Variants in SETBP1 observed in about 807,000 individuals in gnomAD.
The protein encoded by SETBP1 is SET-binding protein.
In SETBP1, 9 loss-of-function variants were observed where a neutral mutation model predicts 101.0. That is an observed-to-expected ratio of 0.09 (90% confidence interval 0.05 to 0.16). The LOEUF (loss-of-function observed/expected upper bound fraction) is 0.16, where lower values mean the gene tolerates loss of function less well. Among genes scored for constraint, SETBP1 ranks in the 10% least tolerant of loss-of-function variants. The probability of loss-of-function intolerance (pLI) is 1.00; values close to 1 mark genes in which losing one functional copy is unlikely to be tolerated. For missense variants in SETBP1, 1,858 were observed against 2,033.8 expected, an observed-to-expected ratio of 0.91 and a Z score of 1.66; for synonymous variants, 818 against 788.5, an observed-to-expected ratio of 1.04 and a Z score of -0.63.
At chr18:44,769,738 T>G (rs772931699) in intron 2 of SETBP1, among the ~76,000 whole-genome samples, 1 of 152,216 alleles carries the variant, frequency 6.6e-6, no homozygotes, top group African/African-American at 2.4e-5. Context: ...TTATGCTATA[T>G]AGAAGTTCAT....
chr18:45,010,162 G>A (rs2072809521), intron 4 of SETBP1, among the ~76,000 whole-genome samples: 1 of 152,186 alleles, frequency 6.6e-6, no homozygotes, highest in Non-Finnish European at 1.5e-5. Context: ...CACGAAGCTT[G>A]TTTTGACATG....
rs189323487 is a variant in SETBP1 at position 44,932,473 on chromosome 18, T to G, written c.541-17408T>G. 1.4e-4 allele frequency among the ~76,000 whole-genome samples: 21 copies of G among 152,334 alleles called. No homozygotes were observed. The East Asian group carries it at 4.1e-3, about 29-fold the overall frequency. On this transcript the variant is annotated intron_variant, in intron 3 of 5. Transcript: ENST00000649279. ...TGGCGTTCTCTGTATTTCCTGAATT[T>G]GAATGTTGGCCTCCCTCACTAGGTT...
intron 4 of SETBP1, among the ~76,000 whole-genome samples, chr18:45,029,327 T>A (rs545577298): frequency 6.6e-6 from 1 of 152,000 alleles, no homozygotes; most frequent in Non-Finnish European, 1.5e-5. Flanking sequence ...GTTGTAGATA[T>A]GCGGCATTAT....
At chr18:45,014,595 A>G (rs1433360348) in intron 4 of SETBP1, among the ~76,000 whole-genome samples, 3 of 152,182 alleles carry the variant, frequency 2.0e-5, no homozygotes, top group African/African-American at 7.2e-5. Flanking sequence ...GGAAACAAAA[A>G]CATCGAGGGA....
chr18:44,759,214 C>T (rs1204416424), intron 2 of SETBP1, among the ~76,000 whole-genome samples: 4 of 152,100 alleles, frequency 2.6e-5, no homozygotes, highest in Non-Finnish European at 4.4e-5. Context: ...GGCAGCCTCT[C>T]GATTTTACCC....
intron 5 of SETBP1, among the ~76,000 whole-genome samples, chr18:45,056,127 A>G (rs964611309): frequency 6.6e-6 from 1 of 152,242 alleles, no homozygotes; most frequent in African/African-American, 2.4e-5. Flanking sequence ...TGCCAAATTC[A>G]TCTTTGAAAA....
rs1230555044 is a variant in SETBP1 at position 44,950,092 on chromosome 18, T to A, written c.752T>A (p.Ile251Asn). The change falls in exon 4 of 6, where the codon ATC becomes AAC. Residue 251 changes from isoleucine to asparagine, a missense_variant. Physicochemically the swap from Ile to Asn is moderately radical, Grantham distance 149. Transcript: ENST00000649279. The stretch of plus-strand genomic sequence containing the variant: ...AGAGAAACTGCAAGCACCAGCAAGA[T>A]CCCCGCTCTTGAGCCCGTGGCTTCC... ...SGRETASTSK[I>N]PALEPVASFA... 14 of 1,614,136 alleles carry A rather than the reference T, an allele frequency of 8.7e-6. No homozygotes were observed. Among genetic ancestry groups the A allele is most frequent in the Admixed American group, 1.7e-5 (1 of 60,028 alleles).
chr18:44,920,387 A>G (rs1255574340), intron 3 of SETBP1, among the ~76,000 whole-genome samples: 3 of 152,202 alleles, frequency 2.0e-5, no homozygotes, highest in South Asian at 4.1e-4. Context: ...GTATCCTAGA[A>G]TGGGATCTGG....
intron 4 of SETBP1, among the ~76,000 whole-genome samples, chr18:44,990,280 T>C (rs764036086): frequency 2.0e-5 from 3 of 152,086 alleles, no homozygotes; most frequent in Non-Finnish European, 4.4e-5. Flanking sequence ...GAAAAAAATG[T>C]GGATAAACTT....
intron 4 of SETBP1, among the ~76,000 whole-genome samples, chr18:44,997,337 T>C (rs1338930016): frequency 6.6e-6 from 1 of 152,126 alleles, no homozygotes; most frequent in Non-Finnish European, 1.5e-5. Flanking sequence ...CCTTCCAGCA[T>C]TGGAAGAAAC....
At chr18:44,818,556 A>G (rs2072033532) in intron 2 of SETBP1, among the ~76,000 whole-genome samples, 1 of 152,036 alleles carries the variant, frequency 6.6e-6, no homozygotes, top group South Asian at 2.1e-4. Context: ...TTAATGTCTT[A>G]ACTCCCACTC....
chr18:44,832,085 C>T (rs983404587), intron 2 of SETBP1, among the ~76,000 whole-genome samples: 1 of 152,212 alleles, frequency 6.6e-6, no homozygotes. Flanking sequence ...CCTCCTTTGG[C>T]TCTGGAGAAC....
intron 4 of SETBP1, chr18:44,988,050 C>T (rs1054931005): frequency 6.6e-6 from 1 of 152,060 alleles, no homozygotes; most frequent in African/African-American, 2.4e-5. Flanking sequence ...GTTACAGCTA[C>T]ATAGTTCTTT....
chr18:44,754,370 A>G (rs1307850674), intron 2 of SETBP1, among the ~76,000 whole-genome samples: 1 of 152,232 alleles, frequency 6.6e-6, no homozygotes, highest in Non-Finnish European at 1.5e-5. Context: ...CTTAAACCTC[A>G]GTAGTTTCAT....
intron 1 of SETBP1, among the ~76,000 whole-genome samples, chr18:44,698,396 C>G (rs1257590211): frequency 6.6e-6 from 1 of 152,196 alleles, no homozygotes; most frequent in Non-Finnish European, 1.5e-5. Context: ...GTTAGCACAA[C>G]ATTCAAGGAA....
chr18:44,990,454 T>C (rs2145280759), intron 4 of SETBP1, among the ~76,000 whole-genome samples: 1 of 152,194 alleles, frequency 6.6e-6, no homozygotes. Flanking sequence ...TAGCTAGGCA[T>C]GGTTGTGCAT....
intron 3 of SETBP1, among the ~76,000 whole-genome samples, chr18:44,896,469 A>G (rs2069905157): frequency 6.6e-6 from 1 of 152,152 alleles, no homozygotes; most frequent in African/African-American, 2.4e-5. Context: ...GAAGACAGAC[A>G]TCATCCCTGA....
chr18:44,707,854 G>T (rs1202415318), intron 2 of SETBP1, among the ~76,000 whole-genome samples: 1 of 152,188 alleles, frequency 6.6e-6, no homozygotes, highest in Non-Finnish European at 1.5e-5. Context: ...GGGTGCTGGG[G>T]AACTTGCTGA....
chr18:44,874,892 T>C (rs1220653709), intron 3 of SETBP1, among the ~76,000 whole-genome samples: 8 of 152,160 alleles, frequency 5.3e-5, no homozygotes, highest in Non-Finnish European at 1.0e-4. Flanking sequence ...GGTATGACTG[T>C]GGAGTTTCTG....
Sources: gnomAD v4.1 joint callset for allele counts (sites outside exome capture counted in the v4.1 genomes callset) on GRCh38, gnomAD v4.1.1 for gene constraint, MANE v1.5 for transcripts, NCBI Gene and HGNC (gene_info 2026-07-23, HGNC 2026-07-21) for gene names.